The following VBP1 variants were observed in gnomAD, a reference collection of about 807,000 sequenced individuals.
VBP1 encodes prefoldin subunit 3.
Under a neutral mutation model 15.5 loss-of-function variants are expected in VBP1, and 4 were observed. The observed-to-expected ratio is 0.26, with a 90% CI of 0.13 to 0.59. The LOEUF is 0.59. VBP1 is among the 20% of genes least tolerant of loss of function. VBP1 has a pLI of 0.90. For synonymous variants in VBP1, 61 were observed against 52.1 expected, an observed-to-expected ratio of 1.17 and a Z score of -0.74; for missense variants, 108 against 139.6, an observed-to-expected ratio of 0.77 and a Z score of 1.14.
intron 1 of VBP1, among the ~76,000 whole-genome samples, chrX:155,200,405 CTG>C (rs1557307278): frequency 9.1e-6 from 1 of 109,874 alleles, no homozygotes; most frequent in African/African-American, 3.4e-5. Flanking sequence ...TTATAACAAA[CTG>C]TCTCTCAGAC....
intron 1 of VBP1, among the ~76,000 whole-genome samples, chrX:155,203,175 G>A (rs1350527604): frequency 1.8e-5 from 2 of 111,370 alleles, no homozygotes; most frequent in Non-Finnish European, 3.8e-5. Flanking sequence ...CTGTAAACTA[G>A]TTCAACCATT....
At chrX:155,213,222 G>C (rs1056979860), upstream of VBP1, among the ~76,000 whole-genome samples, 1 of 111,996 alleles carries the variant, frequency 8.9e-6, no homozygotes, top group Non-Finnish European at 1.9e-5. Flanking sequence ...AGGTCGAGCA[G>C]AGGCTGTCTC....
chrX:155,209,351 G>A (rs573158), intron 2 of VBP1, among the ~76,000 whole-genome samples: 60,519 of 111,128 alleles, frequency 0.54, 14,152 homozygotes, highest in Middle Eastern at 0.77. Context: ...TAAGTTTAAT[G>A]ATAAGATTTA....
At chrX:155,200,564 G>A (rs2074598846) in intron 1 of VBP1, among the ~76,000 whole-genome samples, 1 of 109,516 alleles carries the variant, frequency 9.1e-6, no homozygotes, top group East Asian at 2.8e-4. Context: ...AAACCAACGA[G>A]AACAAAGACA....
intron 1 of VBP1, 92 bp from the exon 2 acceptor site, chrX:155,220,091 T>G (rs2074682213): frequency 4.3e-6 from 4 of 919,788 alleles, no homozygotes; most frequent in Non-Finnish European, 5.9e-6. Flanking sequence ...AAACAAAGCT[T>G]TTTTTTCTTC....
chrX:155,209,225 A>G (rs1291927006), intron 2 of VBP1, among the ~76,000 whole-genome samples: 5 of 112,535 alleles, frequency 4.4e-5, no homozygotes, highest in African/African-American at 1.6e-4. Context: ...TTATTCAGCC[A>G]TCCTTTTATT....
chrX:155,221,416 G>A (rs1415932854), intron 2 of VBP1, among the ~76,000 whole-genome samples: 1 of 111,348 alleles, frequency 9.0e-6, no homozygotes, highest in African/African-American at 3.3e-5. Flanking sequence ...TGGGAGGATC[G>A]CCTGAACCCA....
chrX:155,216,657 C>T (rs1431221225), intron 1 of VBP1, 82 bp downstream of exon 1: 20 of 1,132,685 alleles, frequency 1.8e-5, no homozygotes, highest in Non-Finnish European at 2.1e-5. Flanking sequence ...CAGGCCTCGA[C>T]TGTTGGAAGG....
intron 5 of VBP1, among the ~76,000 whole-genome samples, chrX:155,237,030 C>T (rs1557311680): frequency 8.9e-6 from 1 of 112,314 alleles, no homozygotes. Flanking sequence ...GCAATTTAAA[C>T]TTTGGGAAAG....
At chrX:155,215,581 C>T (rs1158180934), upstream of VBP1, among the ~76,000 whole-genome samples, 5 of 112,110 alleles carry the variant, frequency 4.5e-5, no homozygotes, top group Non-Finnish European at 9.4e-5. Context: ...ACATTATGTG[C>T]GGAGATAAAC....
At chrX:155,216,627 C>G in intron 1 of VBP1, 52 bp downstream of exon 1, 1 of 1,160,665 alleles carries the variant, frequency 8.6e-7, no homozygotes, top group Non-Finnish European at 1.2e-6. Flanking sequence ...TGGACTGCCC[C>G]TTTCTTCCCG....
At chrX:155,227,884 A>G (rs183588388) in intron 3 of VBP1, among the ~76,000 whole-genome samples, 2 of 112,569 alleles carry the variant, frequency 1.8e-5, no homozygotes, top group Admixed American at 1.9e-4. Flanking sequence ...TATTTAAAAG[A>G]TTGTGTGTAT....
Position 155,216,488 on chromosome X carries a change from G to T in VBP1, c.6G>T (p.Ala2=), listed in dbSNP as rs1043432654. 1.1e-5 allele frequency: 13 copies of T among 1,167,142 alleles called. No homozygotes were observed. In the African/African-American group the frequency reaches 2.1e-4, roughly 19 times the overall value. Residue 2 remains alanine (A), a synonymous_variant, in exon 1 of 6, where the codon GCG becomes GCT. Coordinates refer to ENST00000286428, the MANE Select transcript of VBP1 (RefSeq NM_003372.7). M[A]AVKDSCGKGE... ...CGCGCGCTCGCATCCCCAAGATGGCGGCCGTTAAGGACAGTTGTGGCAAAG... is the reference window on the plus strand; with the variant it reads ...CGCGCGCTCGCATCCCCAAGATGGCTGCCGTTAAGGACAGTTGTGGCAAAG...
intron 5 of VBP1, among the ~76,000 whole-genome samples, chrX:155,236,852 G>T (rs2074775897): frequency 8.9e-6 from 1 of 112,210 alleles, no homozygotes; most frequent in Non-Finnish European, 1.9e-5. Context: ...AATTTCACAA[G>T]CATTTAAGGG....
At chrX:155,202,498 G>C (rs1455790488) in intron 1 of VBP1, among the ~76,000 whole-genome samples, 2 of 110,835 alleles carry the variant, frequency 1.8e-5, no homozygotes, top group Admixed American at 9.6e-5. Flanking sequence ...AGAAAAACAA[G>C]CAGTGGGGAA....
intron 2 of VBP1, among the ~76,000 whole-genome samples, chrX:155,224,064 C>T (rs2074706486): frequency 9.1e-6 from 1 of 109,427 alleles, no homozygotes. Flanking sequence ...CAGAGACGCT[C>T]CTCACTTCCT....
rs201918269 is a variant in VBP1 at position 155,216,607 on chromosome X, C to T, written c.93+32C>T. The T allele has an allele frequency of 3.6e-4, 421 of 1,164,993 alleles. 1 individual carries two copies. The African/African-American group carries it at 6.7e-3, about 19-fold the overall frequency. On this transcript the variant is annotated intron_variant, in intron 1 of 5. Transcript: ENST00000286428. ...GGCACGCTGTTCCCTGGCATCTTGG[C>T]TTGAGGCCTTGGACTGCCCCTTTCT... is the stretch of plus-strand genomic sequence containing the variant.
intron 4 of VBP1, among the ~76,000 whole-genome samples, chrX:155,235,535 A>G (rs1336451264): frequency 7.2e-5 from 8 of 111,375 alleles, no homozygotes; most frequent in African/African-American, 2.6e-4. Flanking sequence ...ATTCCAGGGT[A>G]CATGCATCCC....
Position 155,216,522 on chromosome X carries a change from G to T in VBP1, c.40G>T (p.Ala14Ser). The change falls in exon 1 of 6, where the codon GCC (alanine) becomes TCC (serine). Residue 14 changes from alanine to serine, a missense_variant. Coordinates refer to ENST00000286428, the MANE Select transcript of VBP1 (RefSeq NM_003372.7). ...GGACAGTTGTGGCAAAGGAGAAATG[G>T]CCACAGGGAATGGGCGGCGGCTCCA... is the stretch of plus-strand genomic sequence containing the variant. ...VKDSCGKGEM[A>S]TGNGRRLHLG... is the part of the protein sequence containing the mutation. 3 of 1,171,726 alleles carry T rather than the reference G, an allele frequency of 2.6e-6. No individual in the cohort carries two copies. The highest frequency in any genetic ancestry group is 2.3e-6 in the Non-Finnish European group (2 of 874,622).
Sources: gnomAD v4.1 joint callset for allele counts (sites outside exome capture counted in the v4.1 genomes callset) on GRCh38, gnomAD v4.1.1 for gene constraint, MANE v1.5 for transcripts, NCBI Gene and HGNC (gene_info 2026-07-23, HGNC 2026-07-21) for gene names.